Variants in VPS13D observed in about 807,000 individuals in gnomAD.
VPS13D encodes vacuolar protein sorting 13 homolog D, also known as intermembrane lipid transfer protein VPS13D.
VPS13D carries 187 observed loss-of-function variants against 461.9 expected under a neutral mutation model. The observed-to-expected ratio is 0.40, with a 90% CI of 0.36 to 0.46. The LOEUF (loss-of-function observed/expected upper bound fraction) is 0.46. Ranked by LOEUF, VPS13D falls within the 20% of genes least tolerant of loss-of-function variation. VPS13D has a pLI of 0.60. For synonymous variants in VPS13D, 1,951 were observed against 1,986.3 expected (o/e 0.98, Z 0.47); for missense variants, 4,711 against 5,364.9 (o/e 0.88, Z 3.81).
At position 12,362,726 on chromosome 1, in the gene VPS13D, A is replaced by C; in HGVS notation, c.10148A>C (p.Asp3383Ala). 1.2e-5 allele frequency: 20 copies of C among 1,614,000 alleles called. No homozygotes were observed. The highest frequency in any genetic ancestry group is 1.7e-5 in the Non-Finnish European group (20 of 1,179,956). The change falls in exon 51 of 70, where the codon GAT (aspartate) becomes GCT (alanine). Residue 3383 changes from aspartate to alanine, a missense_variant. Around this residue, in one of 3 missense-constraint regions of VPS13D, gnomAD observed 4,411 missense variants for 4,937.8 expected, o/e 0.89. Coordinates refer to ENST00000620676, the MANE Select transcript of VPS13D (RefSeq NM_015378.4). ...TGGTTCTTGTTATTTGTAGGTATTGATGTCAAGAAAGGCCGAGGTCGATAC... is the reference window on the plus strand; with the variant it reads ...TGGTTCTTGTTATTTGTAGGTATTGCTGTCAAGAAAGGCCGAGGTCGATAC... ...RPGLIYNIGI[D>A]VKKGRGRYID...
At position 12,311,434 on chromosome 1, in the gene VPS13D, ATC is replaced by A. The variant is rs1425477111; in HGVS notation, c.6651-18_6651-17del. ...AGTTAGTGACTTGTCTGTGTAAGTGATCTTTTTTCTTTTTCATAGAGAAATAA... is the reference window on the plus strand; with the variant it reads ...AGTTAGTGACTTGTCTGTGTAAGTGATTTTTTCTTTTTCATAGAGAAATAA... On this transcript the variant is annotated intron_variant, in intron 27 of 69. Transcript: ENST00000620676. 2.5e-6 allele frequency: 4 copies of A among 1,593,200 alleles called. No individual in the cohort carries two copies. Among genetic ancestry groups the A allele is most frequent in the Non-Finnish European group, 3.4e-6 (4 of 1,171,110 alleles).
intron 42 of VPS13D, 97 bp downstream of exon 42, chr1:12,343,148 T>C: frequency 1.1e-6 from 1 of 909,050 alleles, no homozygotes; most frequent in South Asian, 3.6e-5. Flanking sequence ...TAAATGATTT[T>C]ATTTTATTTT....
At chr1:12,367,332 G>A (rs1317189965) in intron 52 of VPS13D, among the ~76,000 whole-genome samples, 2 of 152,166 alleles carry the variant, frequency 1.3e-5, no homozygotes, top group South Asian at 2.1e-4. Flanking sequence ...TGCCTGTGAT[G>A]TCTGTTGGTC....
rs771272141 is a variant in VPS13D at position 12,249,325 on chromosome 1, G to T, written c.550G>T (p.Ala184Ser). The T allele has an allele frequency of 3.1e-6, 5 of 1,612,926 alleles. No homozygotes were observed. Among genetic ancestry groups the T allele is most frequent in the Non-Finnish European group, 4.2e-6 (5 of 1,179,476 alleles). Residue 184 changes from alanine (A) to serine (S), a missense_variant, in exon 6 of 70, where the codon GCT becomes TCT. By Grantham distance (99) the Ala-to-Ser change is moderately conservative. Coordinates refer to ENST00000620676, the MANE Select transcript of VPS13D (RefSeq NM_015378.4). ...ICIKNVSMQN[A>S]VNEPVQKLMR... ...CATTAAGAATGTGTCCATGCAAAAT[G>T]CTGTGAATGAGCCTGTGAGTATGAA...
chr1:12,437,282 C>T (rs1471299037), intron 65 of VPS13D, among the ~76,000 whole-genome samples: 3 of 152,078 alleles, frequency 2.0e-5, no homozygotes, highest in Non-Finnish European at 4.4e-5. Context: ...TTCACCCTCC[C>T]TAAAGCCCAG....
intron 24 of VPS13D, among the ~76,000 whole-genome samples, chr1:12,294,870 T>TG (rs1642231473): frequency 1.3e-5 from 2 of 152,112 alleles, no homozygotes; most frequent in South Asian, 4.1e-4. Flanking sequence ...CAGTGCAGTT[T>TG]GGGAACCATA....
At chr1:12,296,183 G>C (rs1021036609) in intron 24 of VPS13D, among the ~76,000 whole-genome samples, 1 of 152,052 alleles carries the variant, frequency 6.6e-6, no homozygotes. Context: ...GAGATACCTG[G>C]CAGTGGAATT....
rs747913891 is a variant in VPS13D at position 12,283,699 on chromosome 1, G to C, written c.5597G>C (p.Gly1866Ala). The change falls in exon 21 of 70, where the codon GGA (glycine) becomes GCA (alanine). Residue 1866 changes from glycine (G) to alanine (A), a missense_variant. This residue lies in a region of VPS13D where 4,411 missense variants were observed against 4,937.8 expected (regional missense o/e 0.89). Transcript: ENST00000620676. ...GAGCCACATGCCTCCATGGAGTCTG[G>C]ACTTCAGGATCCAGTGAACACCAAA... is the stretch of plus-strand genomic sequence containing the variant. ...KLEPHASMESGLQDPVNTKLD... is the reference protein window; with the variant it reads ...KLEPHASMESALQDPVNTKLD... The C allele has an allele frequency of 3.1e-6, 5 of 1,613,986 alleles. No individual in the cohort carries two copies. The Admixed American group carries it at 8.3e-5, about 27-fold the overall frequency.
intron 65 of VPS13D, among the ~76,000 whole-genome samples, chr1:12,443,841 T>A (rs1457561579): frequency 6.6e-6 from 1 of 151,634 alleles, no homozygotes; most frequent in Non-Finnish European, 1.5e-5. Flanking sequence ...TATCTCAGTT[T>A]TGTTTTTCTT....
intron 6 of VPS13D, among the ~76,000 whole-genome samples, chr1:12,251,588 G>A (rs1489715647): frequency 6.6e-6 from 1 of 152,190 alleles, no homozygotes; most frequent in Non-Finnish European, 1.5e-5. Flanking sequence ...GGCCAGCTGA[G>A]AGTAACCACG....
chr1:12,322,235 T>C (rs560199773), intron 33 of VPS13D, among the ~76,000 whole-genome samples: 2 of 152,200 alleles, frequency 1.3e-5, no homozygotes, highest in South Asian at 2.1e-4. Flanking sequence ...CCGGCTAATT[T>C]TTTGTATTTT....
chr1:12,302,912 T>C (rs1398113508), intron 25 of VPS13D, among the ~76,000 whole-genome samples: 1 of 151,400 alleles, frequency 6.6e-6, no homozygotes, highest in East Asian at 2.0e-4. Context: ...AGAAAAACTA[T>C]CTTACTGGGT....
chr1:12,236,156 G>T (rs1160175448), intron 2 of VPS13D, among the ~76,000 whole-genome samples: 1 of 152,142 alleles, frequency 6.6e-6, no homozygotes, highest in African/African-American at 2.4e-5. Flanking sequence ...CTTGAAGAAT[G>T]CTTCTCCGCA....
Position 12,510,525 on chromosome 1 carries a change from C to CTG in VPS13D, c.*1530_*1531dup, listed in dbSNP as rs3831905. 13,119 of 146,132 alleles carry CTG rather than the reference C, an allele frequency of 0.09. 610 individuals are homozygous for CTG. Among genetic ancestry groups the CTG allele is most frequent in the African/African-American group, 0.11 (4,251 of 39,076 alleles). The allele number at this position is 146,132 out of a possible 1,614,324, so 9.1% of individuals were successfully genotyped here. On this transcript the variant is annotated 3_prime_UTR_variant, in exon 70 of 70. Coordinates refer to ENST00000620676, the MANE Select transcript of VPS13D (RefSeq NM_015378.4). ...TCCCACTTCCCCTCTGTGTCTGTGT[C>CTG]TGTGTGTGTGTGTGTGTGTGTGTGT...
At chr1:12,365,614 G>C (rs544216754) in intron 52 of VPS13D, among the ~76,000 whole-genome samples, 10 of 151,476 alleles carry the variant, frequency 6.6e-5, no homozygotes, top group Admixed American at 3.3e-4. Flanking sequence ...TGAGGCAGGA[G>C]AATCACTTGA....
At position 12,266,117 on chromosome 1, in the gene VPS13D, A is replaced by G. The variant is rs533334606; in HGVS notation, c.1595-764A>G. Among the ~76,000 whole-genome samples, 7 of 152,296 alleles carry G rather than the reference A, an allele frequency of 4.6e-5. No homozygotes were observed. In the South Asian group the frequency reaches 1.4e-3, roughly 32 times the overall value. Reference sequence around the variant, plus strand: ...GACTTTGAAGTTACAGTGAGCTATGATTGCACCACTGCACTCCAGCCTGGG... The same window carrying G: ...GACTTTGAAGTTACAGTGAGCTATGGTTGCACCACTGCACTCCAGCCTGGG... On this transcript the variant is annotated intron_variant, in intron 13 of 69. Coordinates refer to ENST00000620676, the MANE Select transcript of VPS13D (RefSeq NM_015378.4).
intron 22 of VPS13D, among the ~76,000 whole-genome samples, chr1:12,289,942 TA>T (rs943951300): frequency 2.0e-5 from 3 of 146,650 alleles, no homozygotes; most frequent in Non-Finnish European, 3.0e-5. Flanking sequence ...TCTCAAAAAA[TA>T]AAAAAAAAAA....
Position 12,342,026 on chromosome 1 carries a change from A to G in VPS13D, c.8732+141A>G, listed in dbSNP as rs974522675. 1.9e-5 allele frequency: 13 copies of G among 688,066 alleles called. No homozygotes were observed. The Admixed American group carries it at 3.2e-4, about 17-fold the overall frequency. The allele number at this position is 688,066 out of a possible 1,614,324, so 42.6% of individuals were successfully genotyped here. On this transcript the variant is annotated intron_variant, in intron 41 of 69. Coordinates refer to ENST00000620676, the MANE Select transcript of VPS13D (RefSeq NM_015378.4). The stretch of plus-strand genomic sequence containing the variant: ...ATAACTTGCTGTCTTGCTGAGATTT[A>G]TGATGGAGGTTCTGGTTTTGTAGAG...
intron 35 of VPS13D, among the ~76,000 whole-genome samples, chr1:12,324,601 A>G (rs1643131705): frequency 6.6e-6 from 1 of 152,212 alleles, no homozygotes; most frequent in South Asian, 2.1e-4. Flanking sequence ...AACCTCTGTG[A>G]ACCAGTGCTT....
Sources: gnomAD v4.1 joint callset for allele counts (sites outside exome capture counted in the v4.1 genomes callset) on GRCh38, gnomAD v4.1.1 for gene constraint, gnomAD v4.1.1 regional missense constraint, MANE v1.5 for transcripts, NCBI Gene and HGNC (gene_info 2026-07-23, HGNC 2026-07-21) for gene names.